Variants in ERC2 observed in about 807,000 individuals in gnomAD.
ERC2 encodes ERC protein 2.
A neutral mutation model predicts 114.8 loss-of-function variants in ERC2; 42 were observed. The observed-to-expected ratio is 0.37, with a 90% CI of 0.29 to 0.47. ERC2 has a LOEUF of 0.47. Ranked by LOEUF, ERC2 falls within the 20% of genes least tolerant of loss-of-function variation. The pLI is 0.99. For synonymous variants in ERC2, 454 were observed against 425.5 expected (o/e 1.07, Z -0.82); for missense variants, 939 against 1,150.7 (o/e 0.82, Z 2.66).
intron 2 of ERC2, among the ~76,000 whole-genome samples, chr3:56,376,686 C>T (rs2059554844): frequency 6.6e-6 from 1 of 151,634 alleles, no homozygotes; most frequent in Admixed American, 6.6e-5. Context: ...CCGCTTGAAT[C>T]CGGGAGGCGG....
At chr3:56,112,576 G>A (rs1489492517) in intron 6 of ERC2, among the ~76,000 whole-genome samples, 1 of 151,902 alleles carries the variant, frequency 6.6e-6, no homozygotes, top group Non-Finnish European at 1.5e-5. Context: ...AAACAATTTA[G>A]TTCTGGCTGG....
rs1182757958 is a variant in ERC2 at position 56,414,738 on chromosome 3, AG to A, written c.657+19612del. Among the ~76,000 whole-genome samples, 449 of 150,722 alleles carry A rather than the reference AG, an allele frequency of 3.0e-3. 2 individuals carry two copies. The highest frequency in any genetic ancestry group is 0.01 in the African/African-American group (425 of 40,848). ...AGACTCTGTCTCAAAAAAAAAAAAA[AG>A]AAAAGAAAAGGAAAAGAAAAAGATG... On this transcript the variant is annotated intron_variant, in intron 2 of 17. Coordinates refer to ENST00000288221, the MANE Select transcript of ERC2 (RefSeq NM_015576.3).
chr3:56,026,057 C>CTTTTTTTTTTTT (rs59635680), intron 7 of ERC2, among the ~76,000 whole-genome samples: 5 of 69,200 alleles, frequency 7.2e-5, no homozygotes, highest in East Asian at 4.2e-4. Flanking sequence ...CCGTTTCTTT[C>CTTTTTTTTTTTT]TTTTTTTTTT....
At chr3:56,081,098 T>G (rs1332258122) in intron 6 of ERC2, 114 bp from the exon 7 acceptor site, 1 of 1,081,926 alleles carries the variant, frequency 9.2e-7, no homozygotes, top group African/African-American at 1.6e-5. Context: ...CAAGGCACAA[T>G]GGAACCACTG....
intron 3 of ERC2, among the ~76,000 whole-genome samples, chr3:56,178,828 G>A (rs1172017178): frequency 6.6e-6 from 1 of 151,982 alleles, no homozygotes; most frequent in East Asian, 1.9e-4. Flanking sequence ...CGTTATAAAT[G>A]TTATAAAGGA....
chr3:56,265,413 G>A (rs575614081), intron 3 of ERC2, among the ~76,000 whole-genome samples: 4 of 152,114 alleles, frequency 2.6e-5, no homozygotes, highest in Non-Finnish European at 5.9e-5. Flanking sequence ...GCAGAAGAAT[G>A]AAACTGCACC....
intron 14 of ERC2, among the ~76,000 whole-genome samples, chr3:55,869,501 A>T (rs901568434): frequency 6.6e-6 from 1 of 152,152 alleles, no homozygotes; most frequent in Non-Finnish European, 1.5e-5. Context: ...TGGGTTCCAT[A>T]TGAAACCATT....
chr3:56,256,213 A>G (rs1383010033), intron 3 of ERC2, among the ~76,000 whole-genome samples: 1 of 152,256 alleles, frequency 6.6e-6, no homozygotes, highest in Non-Finnish European at 1.5e-5. Flanking sequence ...CTGCAGAGAC[A>G]ACTAGGAACA....
At chr3:56,197,500 T>C (rs1334042656) in intron 3 of ERC2, among the ~76,000 whole-genome samples, 2 of 152,164 alleles carry the variant, frequency 1.3e-5, no homozygotes, top group East Asian at 1.9e-4. Flanking sequence ...CATGCAAAGG[T>C]ATCCAGGAAA....
chr3:56,317,023 A>C (rs942874138), intron 2 of ERC2, among the ~76,000 whole-genome samples: 1 of 152,246 alleles, frequency 6.6e-6, no homozygotes, highest in African/African-American at 2.4e-5. Flanking sequence ...GGGATTCAAC[A>C]ACAAAGAGGC....
chr3:56,011,606 A>AAC (rs3076645), intron 8 of ERC2, among the ~76,000 whole-genome samples: 8,485 of 148,656 alleles, frequency 0.057, 252 homozygotes, highest in African/African-American at 0.069. Context: ...AAGAAACTTA[A>AAC]ACACACACAC....
chr3:56,408,506 C>T (rs2060814145), intron 2 of ERC2, among the ~76,000 whole-genome samples: 1 of 152,090 alleles, frequency 6.6e-6, no homozygotes, highest in Admixed American at 6.5e-5. Context: ...CGCTCACATC[C>T]CCCTTCCCTG....
chr3:55,621,819 G>A (rs941996173), intron 17 of ERC2, among the ~76,000 whole-genome samples: 16 of 152,176 alleles, frequency 1.1e-4, no homozygotes, highest in Non-Finnish European at 1.8e-4. Flanking sequence ...GAACAAAGGC[G>A]TGGATTGGAG....
At chr3:55,885,425 G>A (rs1276869921) in intron 14 of ERC2, among the ~76,000 whole-genome samples, 1 of 152,204 alleles carries the variant, frequency 6.6e-6, no homozygotes, top group Non-Finnish European at 1.5e-5. Context: ...CAGGGCAGAA[G>A]CCCACAGGTT....
At chr3:55,556,130 G>A (rs889338579) in intron 17 of ERC2, among the ~76,000 whole-genome samples, 2 of 152,100 alleles carry the variant, frequency 1.3e-5, no homozygotes, top group African/African-American at 4.8e-5. Flanking sequence ...GACACAGCAG[G>A]GAAAAAGCCT....
At chr3:56,175,927 G>T (rs956814396) in intron 3 of ERC2, among the ~76,000 whole-genome samples, 1 of 150,556 alleles carries the variant, frequency 6.6e-6, no homozygotes, top group Non-Finnish European at 1.5e-5. Flanking sequence ...CAATGTGATG[G>T]TTTTTTTCCA....
intron 14 of ERC2, among the ~76,000 whole-genome samples, chr3:55,822,715 G>A (rs1168835373): frequency 6.6e-6 from 1 of 150,744 alleles, no homozygotes; most frequent in Non-Finnish European, 1.5e-5. Flanking sequence ...ACAGGCACCC[G>A]CCACTCTCCT....
At chr3:55,992,396 GA>G (rs1325814938) in intron 10 of ERC2, 146 bp from the exon 11 acceptor site, 1 of 583,294 alleles carries the variant, frequency 1.7e-6, no homozygotes, top group African/African-American at 1.9e-5. Flanking sequence ...AGGCAAAATA[GA>G]AAAATCACAC....
intron 3 of ERC2, among the ~76,000 whole-genome samples, chr3:56,237,206 T>C (rs1021387914): frequency 6.6e-6 from 1 of 152,158 alleles, no homozygotes; most frequent in African/African-American, 2.4e-5. Context: ...ATTAACCTAG[T>C]ATTTTTCCAG....
Sources: gnomAD v4.1 joint callset for allele counts (sites outside exome capture counted in the v4.1 genomes callset) on GRCh38, gnomAD v4.1.1 for gene constraint, MANE v1.5 for transcripts, NCBI Gene and HGNC (gene_info 2026-07-23, HGNC 2026-07-21) for gene names.